Variants in GPM6A observed in about 807,000 individuals in gnomAD.
GPM6A encodes neuronal membrane glycoprotein M6-a.
GPM6A carries 7 observed loss-of-function variants against 32.1 expected under a neutral mutation model. The ratio of observed to expected loss-of-function variants is 0.22; its 90% CI spans 0.12 to 0.41. GPM6A has a LOEUF of 0.41. Among genes scored for constraint, GPM6A ranks in the 10% least tolerant of loss-of-function variants. The pLI, the probability that GPM6A is intolerant of heterozygous loss-of-function variation, is 1.00. For synonymous variants in GPM6A, 130 were observed against 123.4 expected (o/e 1.05, Z -0.35); for missense variants, 235 against 347.2 (o/e 0.68, Z 2.57).
chr4:175,864,272 T>A (rs1165322141), intron 1 of GPM6A, among the ~76,000 whole-genome samples: 1 of 152,130 alleles, frequency 6.6e-6, no homozygotes, highest in Non-Finnish European at 1.5e-5. Context: ...GCTTAGATGA[T>A]CCTCCTATGT....
At chr4:175,855,948 C>T (rs954876623) in intron 1 of GPM6A, among the ~76,000 whole-genome samples, 2 of 152,162 alleles carry the variant, frequency 1.3e-5, no homozygotes, top group African/African-American at 4.8e-5. Context: ...GCCTAGCGCT[C>T]GCTCTTGCTT....
chr4:175,781,927 A>G (rs1733628510), intron 1 of GPM6A, among the ~76,000 whole-genome samples: 1 of 152,130 alleles, frequency 6.6e-6, no homozygotes, highest in African/African-American at 2.4e-5. Context: ...TTATAATATA[A>G]CACATTTTCA....
At chr4:175,768,967 C>T (rs370889425) in intron 1 of GPM6A, among the ~76,000 whole-genome samples, 20 of 151,914 alleles carry the variant, frequency 1.3e-4, no homozygotes, top group African/African-American at 4.3e-4. Context: ...TGGTGGTGGG[C>T]GCCTGTAATC....
At chr4:175,730,554 TCCGCCTCCCGGGTTCACGCCATTCTC>T (rs1176216105) in intron 1 of GPM6A, among the ~76,000 whole-genome samples, 6 of 151,546 alleles carry the variant, frequency 4.0e-5, no homozygotes, top group Non-Finnish European at 8.8e-5. Flanking sequence ...CACTGCAAGC[TCCGCCTCCCGGGTTCACGCCATTCTC>T]CTGCCTCAGC....
chr4:176,000,729 G>C (rs1321035149), intron 1 of GPM6A, among the ~76,000 whole-genome samples: 1 of 152,048 alleles, frequency 6.6e-6, no homozygotes, highest in Admixed American at 6.6e-5. Context: ...GAGTTTATAG[G>C]CTCAAGTGGT....
chr4:175,756,121 A>G (rs1732515684), intron 1 of GPM6A, among the ~76,000 whole-genome samples: 1 of 152,112 alleles, frequency 6.6e-6, no homozygotes, highest in African/African-American at 2.4e-5. Flanking sequence ...AAGATCTAGC[A>G]TGTTCTGGAA....
intron 1 of GPM6A, among the ~76,000 whole-genome samples, chr4:175,861,116 T>C (rs1736560828): frequency 6.6e-6 from 1 of 152,050 alleles, no homozygotes; most frequent in Non-Finnish European, 1.5e-5. Context: ...AACAGGAATA[T>C]AATGGAATCC....
chr4:175,915,736 A>G (rs1738473299), intron 1 of GPM6A, among the ~76,000 whole-genome samples: 1 of 152,204 alleles, frequency 6.6e-6, no homozygotes, highest in African/African-American at 2.4e-5. Flanking sequence ...CCTCACTGGC[A>G]ATACTCAGGG....
chr4:175,860,402 C>A (rs1282091596), intron 1 of GPM6A, among the ~76,000 whole-genome samples: 1 of 152,024 alleles, frequency 6.6e-6, no homozygotes, highest in Non-Finnish European at 1.5e-5. Flanking sequence ...AAAGAATATA[C>A]TAGATTCTAT....
At chr4:175,806,725 A>C (rs1208670196) in intron 1 of GPM6A, 1 of 152,256 alleles carries the variant, frequency 6.6e-6, no homozygotes, top group African/African-American at 2.4e-5. Flanking sequence ...ATTTGAAAAT[A>C]CCAAGCGGTA....
At chr4:175,666,736 C>T (rs771285666) in intron 3 of GPM6A, among the ~76,000 whole-genome samples, 4 of 152,094 alleles carry the variant, frequency 2.6e-5, no homozygotes, top group Non-Finnish European at 4.4e-5. Flanking sequence ...TTTTCCTTGT[C>T]GAGTGTCACC....
At chr4:175,909,778 G>C (rs904297980) in intron 1 of GPM6A, among the ~76,000 whole-genome samples, 18 of 152,152 alleles carry the variant, frequency 1.2e-4, no homozygotes, top group African/African-American at 4.3e-4. Flanking sequence ...CAAACAGAGA[G>C]AGATAAACAT....
chr4:175,643,806 T>G (rs1454540981), intron 4 of GPM6A, among the ~76,000 whole-genome samples: 1 of 152,172 alleles, frequency 6.6e-6, no homozygotes, highest in Non-Finnish European at 1.5e-5. Context: ...GGCTCAAGCC[T>G]GCACACTAAG....
intron 1 of GPM6A, among the ~76,000 whole-genome samples, chr4:175,736,685 A>G (rs780941287): frequency 1.3e-5 from 2 of 152,236 alleles, no homozygotes; most frequent in Non-Finnish European, 2.9e-5. Flanking sequence ...GCATATTTGT[A>G]TAAAATCTCT....
intron 2 of GPM6A, among the ~76,000 whole-genome samples, chr4:175,700,569 A>G (rs1292789415): frequency 6.6e-6 from 1 of 152,232 alleles, no homozygotes; most frequent in Non-Finnish European, 1.5e-5. Context: ...ACTCACTCAG[A>G]TTTGTAAATC....
intron 1 of GPM6A, chr4:175,795,805 T>A (rs1579510205): frequency 6.6e-6 from 1 of 152,328 alleles, no homozygotes; most frequent in Non-Finnish European, 1.5e-5. Flanking sequence ...GCTTCCAACT[T>A]ACATGGAATC....
intron 1 of GPM6A, among the ~76,000 whole-genome samples, chr4:175,715,140 C>G (rs187850274): frequency 3.3e-5 from 5 of 152,210 alleles, no homozygotes; most frequent in Admixed American, 6.5e-5. Flanking sequence ...ATAAATGTTC[C>G]TCCCCTAAAT....
At chr4:175,712,745 T>A (rs1188020834) in intron 1 of GPM6A, among the ~76,000 whole-genome samples, 2 of 152,212 alleles carry the variant, frequency 1.3e-5, no homozygotes, top group African/African-American at 4.8e-5. Context: ...GGGCACGGAA[T>A]CACTACGTTA....
chr4:175,962,247 T>G, intron 1 of GPM6A: 1 of 1,354,974 alleles, frequency 7.4e-7, no homozygotes, highest in Non-Finnish European at 1.1e-6. Context: ...TGACCTCCTA[T>G]ATGTCATTGA....
Sources: gnomAD v4.1 joint callset for allele counts (sites outside exome capture counted in the v4.1 genomes callset) on GRCh38, gnomAD v4.1.1 for gene constraint, MANE v1.5 for transcripts, NCBI Gene and HGNC (gene_info 2026-07-23, HGNC 2026-07-21) for gene names.